ASCC1: variants seen among roughly 807,000 people sequenced by gnomAD.
ASCC1 encodes ASC-1 complex subunit P50.
ASCC1 carries 35 observed loss-of-function variants against 46.6 expected under a neutral mutation model. The observed-to-expected ratio is 0.75, with a 90% CI of 0.57 to 0.99. The LOEUF (loss-of-function observed/expected upper bound fraction) is 0.99, where lower values mean the gene tolerates loss of function less well. ASCC1 is among the 50% of genes least tolerant of loss of function. ASCC1 has a pLI of 0.00. For missense variants in ASCC1, 376 were observed against 428.7 expected, an observed-to-expected ratio of 0.88 and a Z score of 1.09; for synonymous variants, 143 against 146.6, an observed-to-expected ratio of 0.98 and a Z score of 0.18.
intron 9 of ASCC1, among the ~76,000 whole-genome samples, chr10:72,104,845 T>C (rs1383980342): frequency 1.3e-5 from 2 of 152,144 alleles, no homozygotes; most frequent in Non-Finnish European, 2.9e-5. Context: ...TAATAAGTAC[T>C]GACTTGGACG....
chr10:72,185,725 T>C (rs1322196544), intron 5 of ASCC1, among the ~76,000 whole-genome samples: 1 of 152,188 alleles, frequency 6.6e-6, no homozygotes, highest in East Asian at 1.9e-4. Flanking sequence ...TTCAATATCT[T>C]GTTTGTGATG....
intron 5 of ASCC1, among the ~76,000 whole-genome samples, chr10:72,187,063 A>G (rs1853566382): frequency 6.6e-6 from 1 of 152,098 alleles, no homozygotes; most frequent in South Asian, 2.1e-4. Context: ...TGCATTTACC[A>G]GTTAAAATAA....
chr10:72,099,324 C>T (rs1198197733), intron 9 of ASCC1, among the ~76,000 whole-genome samples: 1 of 152,212 alleles, frequency 6.6e-6, no homozygotes, highest in Non-Finnish European at 1.5e-5. Context: ...TGGGATGTGA[C>T]TGCAATGCAA....
At chr10:72,174,699 A>C (rs1001183904) in intron 5 of ASCC1, among the ~76,000 whole-genome samples, 2 of 152,248 alleles carry the variant, frequency 1.3e-5, no homozygotes, top group African/African-American at 4.8e-5. Context: ...TAGGAACTCC[A>C]GGTATAACAA....
intron 9 of ASCC1, among the ~76,000 whole-genome samples, chr10:72,105,657 T>C (rs1306580526): frequency 6.6e-6 from 1 of 152,136 alleles, no homozygotes; most frequent in Non-Finnish European, 1.5e-5. Context: ...GCTCACATGA[T>C]CTGTGAAGCC....
At chr10:72,183,532 C>T (rs11814345) in intron 5 of ASCC1, among the ~76,000 whole-genome samples, 8,418 of 152,044 alleles carry the variant, frequency 0.055, 790 homozygotes, top group African/African-American at 0.19. Context: ...ACTTATAGTA[C>T]CAGCTACTCG....
chr10:72,112,847 C>CAG lies in ASCC1; in HGVS notation c.957+15233_957+15234dup, dbSNP rs570931483. Among the ~76,000 whole-genome samples, 61 of 145,456 alleles carry CAG rather than the reference C, an allele frequency of 4.2e-4. No individual in the cohort carries two copies. The South Asian group carries it at 0.012, about 29-fold the overall frequency. On this transcript the variant is annotated intron_variant, in intron 9 of 9. Transcript: ENST00000672957. ...TGAGCCGAGATCCTCCACTGCACCC[C>CAG]AGCCTGGGCAACAGAGCTAGACTCT... is the stretch of plus-strand genomic sequence containing the variant.
At chr10:72,150,046 A>G (rs1405597265) in intron 7 of ASCC1, among the ~76,000 whole-genome samples, 2 of 152,004 alleles carry the variant, frequency 1.3e-5, no homozygotes, top group African/African-American at 2.4e-5. Flanking sequence ...TTAGCCAGGC[A>G]TGGTGGTGGG....
At chr10:72,191,161 G>T (rs1429318252) in intron 5 of ASCC1, among the ~76,000 whole-genome samples, 1 of 147,992 alleles carries the variant, frequency 6.8e-6, no homozygotes, top group Non-Finnish European at 1.5e-5. Flanking sequence ...AGGTTCAAGC[G>T]ATTCTCCTGC....
intron 9 of ASCC1, among the ~76,000 whole-genome samples, chr10:72,119,167 A>C (rs1037276040): frequency 1.3e-5 from 2 of 152,366 alleles, no homozygotes; most frequent in African/African-American, 4.8e-5. Context: ...AACTCCAGGG[A>C]ACCACCTCAC....
chr10:72,202,467 C>CA (rs199869822), intron 4 of ASCC1, among the ~76,000 whole-genome samples: 19,955 of 129,812 alleles, frequency 0.15, 3,808 homozygotes, highest in African/African-American at 0.45. Context: ...GACTCTGTCT[C>CA]AAAAAAAAAA....
intron 8 of ASCC1, among the ~76,000 whole-genome samples, chr10:72,131,729 T>C (rs986722075): frequency 6.6e-5 from 10 of 152,168 alleles, no homozygotes; most frequent in Admixed American, 2.6e-4. Flanking sequence ...TATCAAATGA[T>C]TGCCAGTTGG....
chr10:72,201,414 C>G (rs1008691943), intron 4 of ASCC1, among the ~76,000 whole-genome samples: 1 of 152,136 alleles, frequency 6.6e-6, no homozygotes, highest in East Asian at 1.9e-4. Context: ...TGGGGCTAGA[C>G]GCAGTGACTC....
At chr10:72,143,754 A>G (rs971517711) in intron 7 of ASCC1, among the ~76,000 whole-genome samples, 3 of 151,296 alleles carry the variant, frequency 2.0e-5, no homozygotes, top group African/African-American at 4.9e-5. Flanking sequence ...CTGTATCTTT[A>G]CTGACTTTAT....
chr10:72,149,047 T>C (rs1000658487), intron 7 of ASCC1, among the ~76,000 whole-genome samples: 1 of 152,198 alleles, frequency 6.6e-6, no homozygotes, highest in Non-Finnish European at 1.5e-5. Context: ...AGAAACCATT[T>C]GTCTTCTATT....
chr10:72,104,614 C>A (rs1842142921), intron 9 of ASCC1, among the ~76,000 whole-genome samples: 1 of 152,106 alleles, frequency 6.6e-6, no homozygotes. Flanking sequence ...TGAATTTTTT[C>A]TCCTCACTGT....
intron 5 of ASCC1, chr10:72,190,399 T>C (rs1436381450): frequency 1.3e-5 from 20 of 1,595,746 alleles, no homozygotes; most frequent in Non-Finnish European, 1.7e-5. Context: ...GAAGAAATCC[T>C]GACACCCAGT....
At chr10:72,120,622 T>C (rs1412850496) in intron 9 of ASCC1, among the ~76,000 whole-genome samples, 1 of 148,076 alleles carries the variant, frequency 6.8e-6, no homozygotes, top group Non-Finnish European at 1.5e-5. Context: ...TACCTAGGCA[T>C]ATCATAGTCA....
chr10:72,164,591 C>T (rs899800167), intron 5 of ASCC1, among the ~76,000 whole-genome samples: 2 of 152,154 alleles, frequency 1.3e-5, no homozygotes, highest in African/African-American at 4.8e-5. Context: ...CTGCTATAAA[C>T]ATTTGTGTAC....
Sources: gnomAD v4.1 joint callset for allele counts (sites outside exome capture counted in the v4.1 genomes callset) on GRCh38, gnomAD v4.1.1 for gene constraint, MANE v1.5 for transcripts, NCBI Gene and HGNC (gene_info 2026-07-23, HGNC 2026-07-21) for gene names.